DRC9: variants seen among roughly 807,000 people sequenced by gnomAD.
DRC9 encodes the protein dynein regulatory complex protein 9.
the DRC9 span, among the ~76,000 whole-genome samples, chr3:197,946,726 T>C: frequency 6.6e-6 from 1 of 152,190 alleles, no homozygotes; most frequent in Non-Finnish European, 1.5e-5. Context: ...AATCTTCACA[T>C]AAATTTGAAA....
chr3:197,941,997 C>T, the DRC9 span, among the ~76,000 whole-genome samples: 1 of 152,120 alleles, frequency 6.6e-6, no homozygotes, highest in African/African-American at 2.4e-5. Flanking sequence ...CATAAGTTAA[C>T]AAGGAAGTTA....
chr3:197,950,909 T>C, the DRC9 span: 1 of 1,613,172 alleles, frequency 6.2e-7, no homozygotes. Context: ...GGCTTGGTTT[T>C]AAACTAATCT....
the DRC9 span, chr3:197,950,806 ATTG>A: frequency 9.3e-6 from 7 of 755,198 alleles, no homozygotes; most frequent in South Asian, 1.6e-5. Flanking sequence ...ATGTTCTGGC[ATTG>A]TTGTCCCCGA....
chr3:197,922,512 C>A, the DRC9 span, among the ~76,000 whole-genome samples: 2 of 152,050 alleles, frequency 1.3e-5, no homozygotes, highest in East Asian at 3.9e-4. Context: ...TCAAGACCAG[C>A]CTGGCCAATA....
At chr3:197,889,389 A>G in the DRC9 span, 1 of 645,946 alleles carries the variant, frequency 1.5e-6, no homozygotes, top group Non-Finnish European at 2.7e-6. Flanking sequence ...GTAATCCTAA[A>G]TCAGGGTTTG....
chr3:197,904,349 A>G, the DRC9 span, among the ~76,000 whole-genome samples: 6 of 152,114 alleles, frequency 3.9e-5, no homozygotes, highest in Non-Finnish European at 8.8e-5. Context: ...GTTGGTGGAA[A>G]TGTAAATTAG....
At chr3:197,937,922 G>C in the DRC9 span, among the ~76,000 whole-genome samples, 1 of 152,030 alleles carries the variant, frequency 6.6e-6, no homozygotes, top group South Asian at 2.1e-4. Flanking sequence ...GGGCTACAGA[G>C]TGACCTCGTC....
chr3:197,950,060 T>C, the DRC9 span: 2 of 1,071,772 alleles, frequency 1.9e-6, no homozygotes, highest in Non-Finnish European at 2.4e-6. Context: ...AGAGTGCTAT[T>C]GAATGTGGCT....
chr3:197,909,031 T>C, the DRC9 span, among the ~76,000 whole-genome samples: 1 of 151,838 alleles, frequency 6.6e-6, no homozygotes, highest in Non-Finnish European at 1.5e-5. Context: ...GGCAGGGTAC[T>C]TCCGCTGCCA....
the DRC9 span, among the ~76,000 whole-genome samples, chr3:197,911,228 A>G: frequency 6.6e-6 from 1 of 152,232 alleles, no homozygotes; most frequent in Non-Finnish European, 1.5e-5. Context: ...AAAAATATTG[A>G]AAATGGCTAC....
chr3:197,892,576 A>C, the DRC9 span: 1 of 1,558,614 alleles, frequency 6.4e-7, no homozygotes, highest in South Asian at 1.1e-5. Context: ...CTCAGTGAGC[A>C]CCCTAATTCC....
the DRC9 span, chr3:197,945,652 G>T: frequency 1.9e-6 from 3 of 1,572,026 alleles, no homozygotes; most frequent in Non-Finnish European, 2.6e-6. Flanking sequence ...GTTACCCTCC[G>T]TGGTATATTT....
At chr3:197,960,154 T>G in the DRC9 span, 1 of 1,374,836 alleles carries the variant, frequency 7.3e-7, no homozygotes, top group Non-Finnish European at 9.9e-7. Context: ...TTCCGCCGGC[T>G]GGGCCCTCCG....
At chr3:197,937,363 T>C in the DRC9 span, among the ~76,000 whole-genome samples, 1 of 152,214 alleles carries the variant, frequency 6.6e-6, no homozygotes, top group East Asian at 1.9e-4. Flanking sequence ...TAGCTATTAA[T>C]GGATAAAGCA....
At chr3:197,916,272 TTTGTTGTTG>T in the DRC9 span, 4,647 of 155,194 alleles carry the variant, frequency 0.03, 217 homozygotes, top group African/African-American at 0.11. Flanking sequence ...TGCGCCCGGC[TTTGTTGTTG>T]TTGTTGTTGT....
chr3:197,896,080 C>T, the DRC9 span, among the ~76,000 whole-genome samples: 1 of 147,612 alleles, frequency 6.8e-6, no homozygotes, highest in African/African-American at 2.5e-5. Context: ...CAGTGGCTCA[C>T]ACCTGTAATG....
chr3:197,910,841 G>A, the DRC9 span, among the ~76,000 whole-genome samples: 1 of 151,852 alleles, frequency 6.6e-6, no homozygotes, highest in African/African-American at 2.4e-5. Flanking sequence ...TTAGCTGGAC[G>A]TGCGCCTGTA....
the DRC9 span, among the ~76,000 whole-genome samples, chr3:197,928,236 T>C: frequency 1.3e-5 from 2 of 152,176 alleles, no homozygotes; most frequent in African/African-American, 4.8e-5. Flanking sequence ...AAAACTAAGT[T>C]ATATTATGGG....
the DRC9 span, among the ~76,000 whole-genome samples, chr3:197,907,648 T>A: frequency 6.6e-6 from 1 of 152,276 alleles, no homozygotes; most frequent in Non-Finnish European, 1.5e-5. Flanking sequence ...TGTAACATGC[T>A]AAGATTTGAC....
Sources: allele counts gnomAD v4.1 joint callset (sites outside exome capture counted in the v4.1 genomes callset), GRCh38; gene constraint gnomAD v4.1.1; transcripts MANE v1.5; gene names NCBI Gene and HGNC (gene_info 2026-07-23, HGNC 2026-07-21).